The following SOX5 variants were observed in gnomAD, a reference collection of about 807,000 sequenced individuals.
The protein encoded by SOX5 is SRY-box transcription factor 5.
In SOX5, 9 loss-of-function variants were observed where a neutral mutation model predicts 92.0. The observed-to-expected ratio is 0.10, with a 90% CI of 0.06 to 0.17. SOX5 has a LOEUF of 0.17. Ranked by LOEUF, SOX5 falls within the 10% of genes least tolerant of loss-of-function variation. The pLI, the probability that SOX5 is intolerant of heterozygous loss-of-function variation, is 1.00. For synonymous variants in SOX5, 344 were observed against 336.3 expected, an observed-to-expected ratio of 1.02 and a Z score of -0.25; for missense variants, 642 against 944.5, an observed-to-expected ratio of 0.68 and a Z score of 4.20.
At chr12:23,769,440 T>G (rs966248278) in intron 3 of SOX5, among the ~76,000 whole-genome samples, 1 of 152,140 alleles carries the variant, frequency 6.6e-6, no homozygotes, top group African/African-American at 2.4e-5. Flanking sequence ...ATGGGGCTAC[T>G]ACCAAATCCT....
intron 4 of SOX5, among the ~76,000 whole-genome samples, chr12:24,144,698 G>A (rs1034177056): frequency 3.3e-5 from 5 of 151,798 alleles, no homozygotes; most frequent in East Asian, 1.9e-4. Context: ...CCTTGGAAGC[G>A]CACACCTGCA....
intron 10 of SOX5, among the ~76,000 whole-genome samples, chr12:23,574,197 C>T (rs1948784954): frequency 6.6e-6 from 1 of 152,016 alleles, no homozygotes; most frequent in South Asian, 2.1e-4. Flanking sequence ...TCTTACCACA[C>T]ACAGCCTTTT....
At chr12:24,055,881 A>T (rs145252758) in intron 4 of SOX5, among the ~76,000 whole-genome samples, 27 of 152,306 alleles carry the variant, frequency 1.8e-4, no homozygotes, top group African/African-American at 6.5e-4. Context: ...GTTAGTGTTC[A>T]AAGGTGGCTG....
chr12:24,257,992 G>A (rs1301620479), intron 3 of SOX5, among the ~76,000 whole-genome samples: 2 of 151,990 alleles, frequency 1.3e-5, no homozygotes, highest in Non-Finnish European at 2.9e-5. Flanking sequence ...GGCTAACATG[G>A]TGAAACCCCG....
At chr12:24,103,736 AC>A (rs1226185882) in intron 4 of SOX5, among the ~76,000 whole-genome samples, 1 of 152,230 alleles carries the variant, frequency 6.6e-6, no homozygotes, top group Non-Finnish European at 1.5e-5. Context: ...ATATGAACAA[AC>A]CAATCTTTTG....
rs187858986 is a variant in SOX5, at chr12:24,443,331, T to A, written c.-250-74692A>T. Among the ~76,000 whole-genome samples the A allele has an allele frequency of 7.2e-4, 110 of 152,310 alleles. No homozygotes were observed. In the East Asian group the frequency reaches 0.015, roughly 21 times the overall value. ...ATAGGACAGGCCCCAGAAGTAAAGATGGACATGAGATTACTGCAAATGCTT... is the reference window on the plus strand; with the variant it reads ...ATAGGACAGGCCCCAGAAGTAAAGAAGGACATGAGATTACTGCAAATGCTT... On this transcript the variant is annotated intron_variant, in intron 1 of 4. Transcript: ENST00000446891.
intron 3 of SOX5, among the ~76,000 whole-genome samples, chr12:23,813,919 T>C (rs937158401): frequency 6.6e-5 from 10 of 152,326 alleles, no homozygotes; most frequent in Admixed American, 2.6e-4. Flanking sequence ...GCCTGTCATA[T>C]GCGGCAAAAT....
chr12:24,245,033 A>AG (rs2140101877), intron 3 of SOX5, among the ~76,000 whole-genome samples: 1 of 152,262 alleles, frequency 6.6e-6, no homozygotes, highest in East Asian at 1.9e-4. Context: ...CTCATGTTTC[A>AG]GGGAAGCCTT....
intron 4 of SOX5, among the ~76,000 whole-genome samples, chr12:24,036,646 C>T (rs1316180148): frequency 6.6e-6 from 1 of 152,074 alleles, no homozygotes; most frequent in East Asian, 1.9e-4. Context: ...TTGCTCTGCA[C>T]CTGATGCTGC....
At chr12:23,733,036 T>A (rs2093449228) in intron 6 of SOX5, among the ~76,000 whole-genome samples, 1 of 152,330 alleles carries the variant, frequency 6.6e-6, no homozygotes, top group South Asian at 2.1e-4. Flanking sequence ...TGGTCATAAT[T>A]GTGGAATAAT....
At chr12:23,826,742 G>C (rs1324646360) in intron 3 of SOX5, among the ~76,000 whole-genome samples, 2 of 152,098 alleles carry the variant, frequency 1.3e-5, no homozygotes, top group African/African-American at 4.8e-5. Flanking sequence ...CCAAATGGGA[G>C]AGGGTGCATT....
Position 24,238,377 on chromosome 12 carries a change from GTTGT to G in SOX5, c.-76-24964_-76-24961del, listed in dbSNP as rs528240779. Among the ~76,000 whole-genome samples, 8 of 152,210 alleles carry G rather than the reference GTTGT, an allele frequency of 5.3e-5. No homozygotes were observed. The South Asian group carries it at 1.7e-3, about 32-fold the overall frequency. On this transcript the variant is annotated intron_variant, in intron 3 of 4. Coordinates refer to the SOX5 transcript ENST00000446891. ...AGAGTAGTTTTTTGAGTTTTTTGTT[GTTGT>G]TTGTTTATTGCCCAGGCTGAAATAC...
rs191792336 is a variant in SOX5 at position 24,330,723 on chromosome 12, A to G, written c.-174+37840T>C. ...TAGACATGACAAGCATATGTTTTGA[A>G]TGAATGAACAAGAATATGAGTGAAT... On this transcript the variant is annotated intron_variant, in intron 2 of 4. Coordinates refer to the SOX5 transcript ENST00000446891. 3.3e-5 allele frequency among the ~76,000 whole-genome samples: 5 copies of G among 152,374 alleles called. No individual in the cohort carries two copies. In the East Asian group the frequency reaches 9.6e-4, roughly 29 times the overall value.
chr12:24,096,649 T>C (rs748584243), intron 4 of SOX5, among the ~76,000 whole-genome samples: 2 of 152,254 alleles, frequency 1.3e-5, no homozygotes, highest in Non-Finnish European at 2.9e-5. Flanking sequence ...TCTTTATGGC[T>C]GAATAATATT....
At chr12:23,902,621 A>G (rs996371596) in intron 1 of SOX5, among the ~76,000 whole-genome samples, 2 of 152,146 alleles carry the variant, frequency 1.3e-5, no homozygotes. Flanking sequence ...TGAAACTACA[A>G]TAGAAGCATC....
At chr12:24,474,596 C>A (rs544337489) in intron 1 of SOX5, among the ~76,000 whole-genome samples, 2 of 152,182 alleles carry the variant, frequency 1.3e-5, no homozygotes, top group African/African-American at 4.8e-5. Context: ...AGTGCAGTGG[C>A]GTGATCTCAG....
intron 4 of SOX5, among the ~76,000 whole-genome samples, chr12:24,004,636 T>C (rs1052997619): frequency 2.0e-5 from 3 of 152,090 alleles, no homozygotes; most frequent in African/African-American, 7.2e-5. Flanking sequence ...GGCTAGAATG[T>C]GGGGAAACCA....
At chr12:24,451,456 A>G (rs1335207709) in intron 1 of SOX5, among the ~76,000 whole-genome samples, 2 of 152,312 alleles carry the variant, frequency 1.3e-5, no homozygotes, top group Admixed American at 6.5e-5. Flanking sequence ...CCTTGCCAGC[A>G]TTATTTATTG....
intron 1 of SOX5, among the ~76,000 whole-genome samples, chr12:24,377,599 T>C (rs1192988629): frequency 2.6e-5 from 4 of 152,208 alleles, no homozygotes. Flanking sequence ...CTTAGGGTAG[T>C]GGCAGGACTG....
Sources: gnomAD v4.1 joint callset for allele counts (sites outside exome capture counted in the v4.1 genomes callset) on GRCh38, gnomAD v4.1.1 for gene constraint, MANE v1.5 for transcripts, NCBI Gene and HGNC (gene_info 2026-07-23, HGNC 2026-07-21) for gene names.